ROBO1: variants seen among roughly 807,000 people sequenced by gnomAD.
ROBO1 encodes roundabout homolog 1.
Under a neutral mutation model 195.9 loss-of-function variants are expected in ROBO1, and 149 were observed. That is an observed-to-expected ratio of 0.76 (90% CI 0.67 to 0.87). The LOEUF (loss-of-function observed/expected upper bound fraction) is 0.87, where lower values mean the gene tolerates loss of function less well. Among genes scored for constraint, ROBO1 ranks in the 40% least tolerant of loss-of-function variants. The pLI, the probability that ROBO1 is intolerant of heterozygous loss-of-function variation, is 0.00. For synonymous variants in ROBO1, 816 were observed against 733.2 expected, an observed-to-expected ratio of 1.11 and a Z score of -1.82; for missense variants, 1,933 against 2,068.3, an observed-to-expected ratio of 0.93 and a Z score of 1.27.
intron 3 of ROBO1, among the ~76,000 whole-genome samples, chr3:79,045,807 A>C (rs966769910): frequency 3.9e-5 from 6 of 152,144 alleles, no homozygotes; most frequent in Non-Finnish European, 8.8e-5. Context: ...AATAATTCTT[A>C]GTCAATATGG....
chr3:79,266,209 T>C (rs1298545984), intron 2 of ROBO1, among the ~76,000 whole-genome samples: 1 of 151,608 alleles, frequency 6.6e-6, no homozygotes, highest in African/African-American at 2.4e-5. Flanking sequence ...ATGATTTAAG[T>C]TGCATGTCAG....
intron 2 of ROBO1, among the ~76,000 whole-genome samples, chr3:79,393,984 G>C (rs1335082180): frequency 6.6e-6 from 1 of 151,956 alleles, no homozygotes; most frequent in Admixed American, 6.6e-5. Context: ...TGTTGCAGGG[G>C]AAAGAAAGAA....
intron 1 of ROBO1, among the ~76,000 whole-genome samples, chr3:79,739,441 G>C (rs1351466090): frequency 6.6e-6 from 1 of 152,148 alleles, no homozygotes; most frequent in Non-Finnish European, 1.5e-5. Context: ...TAAGTGGTCT[G>C]GGTTTGGTTT....
At chr3:78,788,440 T>A (rs202138241) in intron 4 of ROBO1, among the ~76,000 whole-genome samples, 20,731 of 76,958 alleles carry the variant, frequency 0.27, 3,030 homozygotes, top group Non-Finnish European at 0.32. Flanking sequence ...TTTTTTTTTT[T>A]AAAAAAAAAA....
At chr3:78,693,919 G>C (rs950020488) in intron 8 of ROBO1, among the ~76,000 whole-genome samples, 1 of 152,090 alleles carries the variant, frequency 6.6e-6, no homozygotes, top group African/African-American at 2.4e-5. Context: ...TGATTCTACA[G>C]GTTAGCGGTG....
intron 1 of ROBO1, among the ~76,000 whole-genome samples, chr3:79,665,469 A>G (rs990273655): frequency 1.3e-5 from 2 of 151,948 alleles, no homozygotes; most frequent in African/African-American, 2.4e-5. Context: ...TAGAAAAAAT[A>G]TTAGAAATTG....
intron 4 of ROBO1, among the ~76,000 whole-genome samples, chr3:78,798,990 T>C (rs973208890): frequency 5.3e-5 from 8 of 152,166 alleles, no homozygotes; most frequent in Admixed American, 5.2e-4. Flanking sequence ...AAACATGTTA[T>C]ATTTGGGGCC....
At chr3:79,178,629 A>C (rs1043244687) in intron 2 of ROBO1, among the ~76,000 whole-genome samples, 2 of 152,192 alleles carry the variant, frequency 1.3e-5, no homozygotes, top group African/African-American at 4.8e-5. Context: ...ACGGAGCAGA[A>C]GGCAACATTT....
chr3:79,590,390 A>C lies in ROBO1; in HGVS notation c.-50-429T>G, dbSNP rs575902882. On this transcript the variant is annotated intron_variant, in intron 1 of 30. Coordinates refer to ENST00000464233, the MANE Select transcript of ROBO1 (RefSeq NM_002941.4). ...TGCTTTGGTGATATAGCAGAAAAAA[A>C]CAAAAAACTTGCTCTTCACCCAGGT... 4.6e-5 allele frequency among the ~76,000 whole-genome samples: 7 copies of C among 151,886 alleles called. No homozygotes were observed. In the East Asian group the frequency reaches 1.2e-3, roughly 25 times the overall value.
At chr3:79,490,199 T>C (rs1012465405) in intron 2 of ROBO1, among the ~76,000 whole-genome samples, 3 of 152,168 alleles carry the variant, frequency 2.0e-5, no homozygotes, top group Admixed American at 1.3e-4. Context: ...AGTTAAAAAT[T>C]GTGTATGGTA....
chr3:79,766,013 G>T (rs867131076), intron 1 of ROBO1, among the ~76,000 whole-genome samples: 19 of 152,152 alleles, frequency 1.2e-4, no homozygotes, highest in South Asian at 2.1e-4. Context: ...GCACTCCTTG[G>T]CGGGGCGTGA....
Position 78,675,527 on chromosome 3 carries a change from G to A in ROBO1, c.1343-5226C>T, listed in dbSNP as rs151186534. On this transcript the variant is annotated intron_variant, in intron 10 of 30. Coordinates refer to ENST00000464233, the MANE Select transcript of ROBO1 (RefSeq NM_002941.4). ...ACCAGGAGATTATATCCCGCACTTG[G>A]CTCGGAGGGTCCTACACCCACGGAG... 7.2e-5 allele frequency among the ~76,000 whole-genome samples: 11 copies of A among 152,288 alleles called. No homozygotes were observed. The East Asian group carries it at 1.9e-3, about 27-fold the overall frequency.
chr3:78,777,407 T>C (rs2083537185), intron 4 of ROBO1, among the ~76,000 whole-genome samples: 1 of 147,472 alleles, frequency 6.8e-6, no homozygotes, highest in South Asian at 2.3e-4. Flanking sequence ...ATGTACTTTG[T>C]CTGTTTCACA....
chr3:79,548,512 A>G (rs372314473), intron 2 of ROBO1, among the ~76,000 whole-genome samples: 1 of 152,230 alleles, frequency 6.6e-6, no homozygotes, highest in African/African-American at 2.4e-5. Context: ...AGCATTCAAC[A>G]TGAATAGAAC....
intron 3 of ROBO1, among the ~76,000 whole-genome samples, chr3:78,997,542 A>T (rs768052673): frequency 2.6e-5 from 4 of 152,170 alleles, no homozygotes; most frequent in Non-Finnish European, 2.9e-5. Context: ...GAGACACTGT[A>T]TTGGGTTCTA....
chr3:79,039,739 T>G (rs1411037742), intron 3 of ROBO1, among the ~76,000 whole-genome samples: 2 of 125,868 alleles, frequency 1.6e-5, no homozygotes, highest in African/African-American at 6.0e-5. Context: ...AGGCAGAGGT[T>G]GCAGGTGACC....
intron 3 of ROBO1, among the ~76,000 whole-genome samples, chr3:78,960,279 AAT>A (rs1208596747): frequency 6.6e-6 from 1 of 151,604 alleles, no homozygotes; most frequent in Non-Finnish European, 1.5e-5. Context: ...TACCAATGCA[AAT>A]AGAGGTAATA....
chr3:78,617,472 G>C (rs1704176509), intron 27 of ROBO1, among the ~76,000 whole-genome samples, 163 bp downstream of exon 27: 1 of 149,272 alleles, frequency 6.7e-6, no homozygotes, highest in Non-Finnish European at 1.5e-5. Flanking sequence ...ATCCAACTAA[G>C]TCATATTCTT....
chr3:79,068,672 A>T (rs2108428879), intron 3 of ROBO1, among the ~76,000 whole-genome samples: 1 of 151,846 alleles, frequency 6.6e-6, no homozygotes, highest in East Asian at 2.0e-4. Flanking sequence ...TATTTGCATG[A>T]CTTTCTCTCT....
Sources: allele counts gnomAD v4.1 joint callset (sites outside exome capture counted in the v4.1 genomes callset), GRCh38; gene constraint gnomAD v4.1.1; transcripts MANE v1.5; gene names NCBI Gene and HGNC (gene_info 2026-07-23, HGNC 2026-07-21).